UQCRH: variants seen among roughly 807,000 people sequenced by gnomAD.
UQCRH encodes the protein ubiquinol-cytochrome c reductase hinge protein, also known as cytochrome b-c1 complex subunit 6, mitochondrial.
A neutral mutation model predicts 16.3 loss-of-function variants in UQCRH; 14 were observed. The ratio of observed to expected loss-of-function variants is 0.86; its 90% CI spans 0.57 to 1.34. The LOEUF is 1.34. Among genes scored for constraint, UQCRH ranks in the 40% most tolerant of loss-of-function variants. The pLI, the probability that UQCRH is intolerant of heterozygous loss-of-function variation, is 0.00. For synonymous variants in UQCRH, 41 were observed against 41.9 expected, an observed-to-expected ratio of 0.98 and a Z score of 0.08; for missense variants, 89 against 111.9, an observed-to-expected ratio of 0.80 and a Z score of 0.92.
chr1:46,310,991 C>G (rs945213741), intron 3 of UQCRH, among the ~76,000 whole-genome samples: 21 of 150,376 alleles, frequency 1.4e-4, no homozygotes, highest in Admixed American at 1.2e-3. Context: ...GGCGTGAACC[C>G]GGGGAAGCGG....
chr1:46,303,994 T>C (rs536659876), intron 1 of UQCRH, among the ~76,000 whole-genome samples, 174 bp downstream of exon 1: 2 of 152,350 alleles, frequency 1.3e-5, no homozygotes, highest in East Asian at 3.9e-4. Flanking sequence ...TTTGGACAGA[T>C]AGATGACTAG....
intron 3 of UQCRH, among the ~76,000 whole-genome samples, chr1:46,311,476 C>G (rs574968734): frequency 0.014 from 2,016 of 148,676 alleles, 52 homozygotes; most frequent in African/African-American, 0.042. Context: ...TACTCGGGAG[C>G]CTGAGGCAGG....
chr1:46,310,277 G>T lies in UQCRH; in HGVS notation c.204G>T (p.Thr68=), dbSNP rs148062188. 1 of 1,614,128 alleles carries T rather than the reference G, an allele frequency of 6.2e-7. No homozygotes were observed. Among genetic ancestry groups the T allele is most frequent in the Non-Finnish European group, 8.5e-7 (1 of 1,180,026 alleles). Residue 68 remains threonine (T), a synonymous_variant, in exon 3 of 4, where the codon ACG becomes ACT. Coordinates refer to ENST00000311672, the MANE Select transcript of UQCRH (RefSeq NM_006004.4). ...GATCACATACAGAAGAGGATTGCAC[G>T]GAGGAGCTCTTTGACTTCTTGCATG... The part of the protein sequence containing the change: ...SSRSHTEEDC[T]EELFDFLHAR...
chr1:46,314,115 T>A (rs923512047), intron 3 of UQCRH, among the ~76,000 whole-genome samples: 2 of 152,098 alleles, frequency 1.3e-5, no homozygotes, highest in African/African-American at 4.8e-5. Flanking sequence ...CTCATGCCTG[T>A]AATCCCAACA....
intron 3 of UQCRH, among the ~76,000 whole-genome samples, chr1:46,311,772 T>G (rs960530302): frequency 1.3e-5 from 2 of 150,664 alleles, no homozygotes; most frequent in African/African-American, 2.4e-5. Flanking sequence ...GTTTTTTTGT[T>G]TTTTTTTGTT....
At chr1:46,303,895 GGCCCTCTTAGCCCCCAGTTTA>G in intron 1 of UQCRH, 75 bp downstream of exon 1, 1 of 1,598,266 alleles carries the variant, frequency 6.3e-7, no homozygotes, top group Non-Finnish European at 8.6e-7. Context: ...ACACGCACGG[GGCCCTCTTAGCCCCCAGTTTA>G]CCCTCTAGGG....
intron 1 of UQCRH, among the ~76,000 whole-genome samples, chr1:46,305,745 C>T (rs1661361706): frequency 9.8e-6 from 1 of 102,538 alleles, no homozygotes; most frequent in Admixed American, 1.2e-4. Flanking sequence ...AGCGAGACTC[C>T]GTCTCAAAAT....
chr1:46,306,405 G>A (rs755318577), intron 1 of UQCRH, among the ~76,000 whole-genome samples: 47 of 129,112 alleles, frequency 3.6e-4, no homozygotes, highest in Non-Finnish European at 4.8e-4. Flanking sequence ...TTTTTGTGAC[G>A]GAGTCTCGCT....
intron 1 of UQCRH, 88 bp downstream of exon 1, chr1:46,303,908 C>T (rs1661309430): frequency 2.6e-6 from 4 of 1,564,626 alleles, no homozygotes; most frequent in East Asian, 4.5e-5. Context: ...CCTCTTAGCC[C>T]CCAGTTTACC....
In UQCRH at chr1:46,312,839, G is replaced by A. The variant is rs796381927; in HGVS notation, c.243+2523G>A. Among the ~76,000 whole-genome samples, 42 of 152,200 alleles carry A rather than the reference G, an allele frequency of 2.8e-4. 1 individual carries two copies. The highest frequency in any genetic ancestry group is 1.0e-3 in the African/African-American group (42 of 41,498). On this transcript the variant is annotated intron_variant, in intron 3 of 3. Transcript: ENST00000311672. ...TCTATTAAAACTAATTGGATGGCCA[G>A]TAAACGTATGAAAAGATGTTCAACA...
At chr1:46,314,673 C>CA (rs200199978) in intron 3 of UQCRH, among the ~76,000 whole-genome samples, 2,541 of 58,844 alleles carry the variant, frequency 0.043, 32 homozygotes, top group Middle Eastern at 0.051. Context: ...AACTCCGTCT[C>CA]AAAAAAAAAA....
chr1:46,306,386 T>TC (rs1430652587), intron 1 of UQCRH, among the ~76,000 whole-genome samples: 1 of 149,732 alleles, frequency 6.7e-6, no homozygotes, highest in Non-Finnish European at 1.5e-5. Context: ...TTCAGTTTTT[T>TC]TTTTTTTTTT....
chr1:46,309,234 T>TG, intron 2 of UQCRH, 107 bp downstream of exon 2: 1 of 1,276,534 alleles, frequency 7.8e-7, no homozygotes. Flanking sequence ...TTGTAGATAA[T>TG]GGGGGTGGAA....
chr1:46,314,654 C>CAAG (rs1349418923), intron 3 of UQCRH, among the ~76,000 whole-genome samples: 1 of 127,204 alleles, frequency 7.9e-6, no homozygotes, highest in Admixed American at 8.7e-5. Flanking sequence ...CCCTGGGCAA[C>CAAG]AAGAGCAAAA....
intron 3 of UQCRH, among the ~76,000 whole-genome samples, chr1:46,312,160 A>C (rs1661491462): frequency 1.3e-5 from 2 of 151,612 alleles, no homozygotes; most frequent in Admixed American, 6.6e-5. Context: ...CAGTGGCGCA[A>C]TCTTGGCTCA....
chr1:46,313,424 C>T (rs1441295301), intron 3 of UQCRH, among the ~76,000 whole-genome samples: 4 of 151,662 alleles, frequency 2.6e-5, no homozygotes, highest in Non-Finnish European at 4.4e-5. Flanking sequence ...GTCAGGAGAT[C>T]GAGACCAGCC....
At chr1:46,311,964 C>T (rs1261475477) in intron 3 of UQCRH, among the ~76,000 whole-genome samples, 1 of 149,712 alleles carries the variant, frequency 6.7e-6, no homozygotes, top group Non-Finnish European at 1.5e-5. Context: ...CTTGCTTGCT[C>T]TGTCACCCAG....
At chr1:46,312,089 TG>T (rs1661489882) in intron 3 of UQCRH, among the ~76,000 whole-genome samples, 1 of 150,552 alleles carries the variant, frequency 6.6e-6, no homozygotes, top group Non-Finnish European at 1.5e-5. Flanking sequence ...CACCATGCCT[TG>T]GTAATTTTTT....
chr1:46,311,753 C>T (rs1661481620), intron 3 of UQCRH, among the ~76,000 whole-genome samples: 2 of 150,338 alleles, frequency 1.3e-5, no homozygotes, highest in South Asian at 4.2e-4. Flanking sequence ...CCACCATTCC[C>T]GGCTAATGGT....
Sources: gnomAD v4.1 joint callset for allele counts (sites outside exome capture counted in the v4.1 genomes callset) on GRCh38, gnomAD v4.1.1 for gene constraint, MANE v1.5 for transcripts, NCBI Gene and HGNC (gene_info 2026-07-23, HGNC 2026-07-21) for gene names.